Variants in CNOT6 observed in about 807,000 individuals in gnomAD.
The protein encoded by CNOT6 is carbon catabolite repression 4 protein.
Under a neutral mutation model 61.2 loss-of-function variants are expected in CNOT6, and 12 were observed. The observed-to-expected ratio is 0.20, with a 90% CI of 0.13 to 0.32. The LOEUF is 0.32. CNOT6 is among the 10% of genes least tolerant of loss of function. The probability of loss-of-function intolerance (pLI) is 1.00; values close to 1 mark genes in which losing one functional copy is unlikely to be tolerated. For synonymous variants in CNOT6, 225 were observed against 240.6 expected (o/e 0.94, Z 0.60); for missense variants, 405 against 663.9 (o/e 0.61, Z 4.28).
At chr5:180,523,693 T>C (rs142167228) in intron 1 of CNOT6, among the ~76,000 whole-genome samples, 193 of 152,328 alleles carry the variant, frequency 1.3e-3, no homozygotes, top group African/African-American at 4.5e-3. Flanking sequence ...AAGTCTCTTA[T>C]AACCCCTCAC....
chr5:180,542,840 G>T (rs1035023482), intron 2 of CNOT6, among the ~76,000 whole-genome samples: 1 of 152,106 alleles, frequency 6.6e-6, no homozygotes, highest in South Asian at 2.1e-4. Flanking sequence ...AAGTTTTTGG[G>T]TACTTATGAG....
intron 11 of CNOT6, among the ~76,000 whole-genome samples, chr5:180,571,949 C>T (rs1760772922): frequency 7.7e-6 from 1 of 130,310 alleles, no homozygotes; most frequent in Non-Finnish European, 1.8e-5. Context: ...TAATAATTTT[C>T]AGGATAAGAA....
Position 180,535,988 on chromosome 5 carries a change from G to GTTTTTT in CNOT6, c.112+6624_112+6629dup, listed in dbSNP as rs756489493. ...TCATGTTCTTTGCCCACTTATTAGG[G>GTTTTTT]TTTTTTTTTTTTTTTTTTTTTTTTT... On this transcript the variant is annotated intron_variant, in intron 2 of 11. Coordinates refer to ENST00000261951, the MANE Select transcript of CNOT6 (RefSeq NM_001370472.1). Among the ~76,000 whole-genome samples, 4 of 62,496 alleles carry GTTTTTT rather than the reference G, an allele frequency of 6.4e-5. 2 individuals carry two copies. Among genetic ancestry groups the GTTTTTT allele is most frequent in the East Asian group, 1.3e-3 (2 of 1,520 alleles). The allele number at this position is 62,496 out of a possible 152,430, so 41.0% of individuals were successfully genotyped here. A position where few individuals can be genotyped will look rare whatever the true frequency, so the allele number is the denominator to read the frequency against.
At chr5:180,571,559 C>T (rs1406046886) in intron 11 of CNOT6, 127 bp downstream of exon 11, 9 of 691,860 alleles carry the variant, frequency 1.3e-5, no homozygotes, top group Non-Finnish European at 2.0e-5. Context: ...AATTCATTGA[C>T]AGCAATGTTC....
At chr5:180,558,412 C>T (rs1042529487) in intron 4 of CNOT6, among the ~76,000 whole-genome samples, 1 of 151,928 alleles carries the variant, frequency 6.6e-6, no homozygotes, top group African/African-American at 2.4e-5. Context: ...CCGGACTGGG[C>T]CCCCTGCTCC....
At chr5:180,537,119 C>G (rs1373544312) in intron 2 of CNOT6, among the ~76,000 whole-genome samples, 1 of 152,188 alleles carries the variant, frequency 6.6e-6, no homozygotes, top group Admixed American at 6.5e-5. Flanking sequence ...CATCTGTGTG[C>G]AGTTCTTTGT....
chr5:180,522,711 T>G (rs980331462), intron 1 of CNOT6, among the ~76,000 whole-genome samples: 2 of 152,038 alleles, frequency 1.3e-5, no homozygotes, highest in African/African-American at 2.4e-5. Context: ...TGCAGTGGTG[T>G]TATCTCTGCT....
intron 4 of CNOT6, among the ~76,000 whole-genome samples, chr5:180,560,988 G>T (rs1468594229): frequency 6.6e-6 from 1 of 151,896 alleles, no homozygotes; most frequent in Admixed American, 6.6e-5. Flanking sequence ...CAAGAGACGA[G>T]GTCTCGGGCT....
chr5:180,532,219 G>A (rs1758425977), intron 2 of CNOT6, among the ~76,000 whole-genome samples: 1 of 152,054 alleles, frequency 6.6e-6, no homozygotes, highest in African/African-American at 2.4e-5. Flanking sequence ...TTTCAGGATT[G>A]GCATTTGACT....
intron 1 of CNOT6, among the ~76,000 whole-genome samples, chr5:180,527,794 T>G (rs553637124): frequency 6.6e-6 from 1 of 152,320 alleles, no homozygotes; most frequent in African/African-American, 2.4e-5. Context: ...TGTTAGGAAC[T>G]GGGTCGCACA....
At chr5:180,536,306 G>GT (rs1180303542) in intron 2 of CNOT6, among the ~76,000 whole-genome samples, 2 of 151,940 alleles carry the variant, frequency 1.3e-5, no homozygotes, top group South Asian at 2.1e-4. Context: ...GCCTAGGGTT[G>GT]TTTTTTTCAT....
At chr5:180,540,442 A>G (rs1465224217) in intron 2 of CNOT6, among the ~76,000 whole-genome samples, 1 of 152,218 alleles carries the variant, frequency 6.6e-6, no homozygotes. Context: ...GCCTTTTGAT[A>G]GTATGAAAGT....
At chr5:180,497,822 T>A (rs1467990018) in intron 1 of CNOT6, among the ~76,000 whole-genome samples, 1 of 152,134 alleles carries the variant, frequency 6.6e-6, no homozygotes, top group African/African-American at 2.4e-5. Flanking sequence ...GGCGGGCGGA[T>A]CACTTGAGGT....
At chr5:180,502,112 T>G (rs1756892102) in intron 1 of CNOT6, among the ~76,000 whole-genome samples, 2 of 152,210 alleles carry the variant, frequency 1.3e-5, no homozygotes, top group Non-Finnish European at 2.9e-5. Flanking sequence ...TAGGCACCTG[T>G]GTTAGTCACC....
At chr5:180,525,584 C>T (rs1758065032) in intron 1 of CNOT6, among the ~76,000 whole-genome samples, 1 of 151,792 alleles carries the variant, frequency 6.6e-6, no homozygotes, top group South Asian at 2.1e-4. Context: ...AGCAGGGAGG[C>T]AGCATAGCAT....
intron 3 of CNOT6, among the ~76,000 whole-genome samples, chr5:180,550,473 A>ATT (rs1416518921): frequency 6.6e-6 from 1 of 152,104 alleles, no homozygotes; most frequent in Non-Finnish European, 1.5e-5. Context: ...ACAAAAAAAC[A>ATT]TTTGTTGTGT....
chr5:180,537,800 CT>C (rs1561647662), intron 2 of CNOT6, among the ~76,000 whole-genome samples: 1 of 71,524 alleles, frequency 1.4e-5, no homozygotes, highest in African/African-American at 4.5e-5. Context: ...TCCTCTTTCT[CT>C]CTCTTTTTTT....
At chr5:180,541,487 T>C (rs1759039510) in intron 2 of CNOT6, among the ~76,000 whole-genome samples, 1 of 137,632 alleles carries the variant, frequency 7.3e-6, no homozygotes, top group Non-Finnish European at 1.5e-5. Context: ...AGTTTCGCTC[T>C]GTTGCCCAGG....
chr5:180,530,507 C>T (rs574833270), intron 2 of CNOT6, among the ~76,000 whole-genome samples: 1 of 151,508 alleles, frequency 6.6e-6, no homozygotes, highest in South Asian at 2.1e-4. Context: ...CCTTTGCAGC[C>T]ATAGTAGAGG....
Sources: gnomAD v4.1 joint callset for allele counts (sites outside exome capture counted in the v4.1 genomes callset) on GRCh38, gnomAD v4.1.1 for gene constraint, MANE v1.5 for transcripts, NCBI Gene and HGNC (gene_info 2026-07-23, HGNC 2026-07-21) for gene names.